The following ACER3 variants were observed in gnomAD, a reference collection of about 807,000 sequenced individuals.
The protein encoded by ACER3 is alkaline ceramidase 3.
In ACER3, 16 loss-of-function variants were observed where a neutral mutation model predicts 48.9. The observed-to-expected ratio is 0.33, with a 90% confidence interval of 0.22 to 0.50. The LOEUF (loss-of-function observed/expected upper bound fraction) is 0.50. Ranked by LOEUF, ACER3 falls within the 20% of genes least tolerant of loss-of-function variation. The pLI is 0.98. For synonymous variants in ACER3, 109 were observed against 107.8 expected (o/e 1.01, Z -0.07); for missense variants, 227 against 326.0 (o/e 0.70, Z 2.34).
At chr11:76,973,150 C>T (rs113308886) in intron 3 of ACER3, among the ~76,000 whole-genome samples, 70 of 152,270 alleles carry the variant, frequency 4.6e-4, no homozygotes, top group African/African-American at 1.4e-3. Context: ...CCTTTCAAGC[C>T]GGGAAAGGCA....
intron 1 of ACER3, among the ~76,000 whole-genome samples, chr11:76,912,395 T>C (rs1946401371): frequency 6.6e-6 from 1 of 152,126 alleles, no homozygotes; most frequent in Non-Finnish European, 1.5e-5. Context: ...AGCTACCCAG[T>C]TTGTGGTAAT....
rs1555023006 is a variant in ACER3, at chr11:77,015,060, T to C, written c.542T>C (p.Ile181Thr). Residue 181 changes from isoleucine (I) to threonine (T), a missense_variant, in exon 8 of 11, where the codon ATA becomes ACA. Physicochemically the swap from Ile to Thr is moderately conservative, Grantham distance 89. Coordinates refer to ENST00000532485, the MANE Select transcript of ACER3 (RefSeq NM_018367.7). Reference sequence around the variant, plus strand: ...GGACTGGGTTATACATCATTGGGTATATTTTTATTGGGATTTTTATTTTGG... The same window carrying C: ...GGACTGGGTTATACATCATTGGGTACATTTTTATTGGGATTTTTATTTTGG... ...LRGLGYTSLG[I>T]FLLGFLFWNI... 1 of 1,601,742 alleles carries C rather than the reference T, an allele frequency of 6.2e-7. No individual in the cohort carries two copies. Among genetic ancestry groups the C allele is most frequent in the Non-Finnish European group, 8.6e-7 (1 of 1,168,898 alleles).
At chr11:76,973,753 GT>G (rs554423722) in intron 3 of ACER3, among the ~76,000 whole-genome samples, 5 of 151,176 alleles carry the variant, frequency 3.3e-5, no homozygotes, top group Middle Eastern at 3.4e-3. Context: ...CACTTTATCT[GT>G]TTTTTTTTCT....
At chr11:76,950,813 T>G (rs773292901) in intron 2 of ACER3, among the ~76,000 whole-genome samples, 136 of 152,130 alleles carry the variant, frequency 8.9e-4, no homozygotes, top group Non-Finnish European at 8.2e-4. Flanking sequence ...TTTGGAGGTT[T>G]TCTCTTGATA....
chr11:76,962,116 C>A (rs965219575), intron 3 of ACER3, among the ~76,000 whole-genome samples: 1 of 150,770 alleles, frequency 6.6e-6, no homozygotes, highest in Middle Eastern at 3.4e-3. Flanking sequence ...GTGGTGTAAT[C>A]TTGGCTCACG....
At chr11:76,866,902 T>C (rs1374375173) in intron 1 of ACER3, among the ~76,000 whole-genome samples, 1 of 152,032 alleles carries the variant, frequency 6.6e-6, no homozygotes, top group African/African-American at 2.4e-5. Flanking sequence ...TAAAGGGAAA[T>C]GGAGGGGAAT....
chr11:76,943,702 A>G (rs1484804925), intron 2 of ACER3, among the ~76,000 whole-genome samples: 1 of 151,526 alleles, frequency 6.6e-6, no homozygotes, highest in Admixed American at 6.6e-5. Context: ...TTTCTTTGCT[A>G]ATTTTATCTT....
chr11:76,875,959 A>T (rs2134553292), intron 1 of ACER3, among the ~76,000 whole-genome samples: 1 of 151,704 alleles, frequency 6.6e-6, no homozygotes, highest in Admixed American at 6.6e-5. Flanking sequence ...ACACCCAGTT[A>T]ATTTTTTCAT....
intron 1 of ACER3, among the ~76,000 whole-genome samples, chr11:76,912,232 A>G (rs1003820870): frequency 6.6e-6 from 1 of 152,144 alleles, no homozygotes; most frequent in African/African-American, 2.4e-5. Flanking sequence ...AGGCAAAGTG[A>G]GGAATGCCAA....
intron 1 of ACER3, among the ~76,000 whole-genome samples, chr11:76,924,492 C>A (rs559775926): frequency 5.3e-5 from 8 of 152,184 alleles, no homozygotes; most frequent in African/African-American, 1.9e-4. Flanking sequence ...GTGTTAGCCA[C>A]TGCCCCTGGC....
intron 1 of ACER3, among the ~76,000 whole-genome samples, chr11:76,896,828 T>C (rs1467183284): frequency 2.0e-5 from 3 of 152,250 alleles, no homozygotes; most frequent in African/African-American, 4.8e-5. Flanking sequence ...TTTTCATATA[T>C]GCTTTTGCAT....
intron 2 of ACER3, among the ~76,000 whole-genome samples, chr11:76,940,020 AAG>A (rs1022437866): frequency 6.6e-6 from 1 of 152,220 alleles, no homozygotes; most frequent in African/African-American, 2.4e-5. Flanking sequence ...ATGATCATGT[AAG>A]AGAATGTCCA....
intron 3 of ACER3, among the ~76,000 whole-genome samples, chr11:76,967,274 C>T (rs1285017378): frequency 3.9e-5 from 6 of 152,066 alleles, no homozygotes; most frequent in African/African-American, 4.8e-5. Flanking sequence ...GTTGAATCTC[C>T]GAATAGACCA....
intron 1 of ACER3, among the ~76,000 whole-genome samples, chr11:76,922,529 C>G (rs1488652180): frequency 6.6e-6 from 1 of 152,108 alleles, no homozygotes; most frequent in Non-Finnish European, 1.5e-5. Flanking sequence ...TTTTCATACT[C>G]TACCTAGGCA....
chr11:77,001,287 G>T (rs746634748), intron 7 of ACER3, among the ~76,000 whole-genome samples: 1 of 151,860 alleles, frequency 6.6e-6, no homozygotes, highest in Non-Finnish European at 1.5e-5. Flanking sequence ...ACAGAGTCTC[G>T]CACTGTCTCC....
intron 1 of ACER3, among the ~76,000 whole-genome samples, chr11:76,872,943 A>T (rs1463910862): frequency 9.2e-6 from 1 of 109,144 alleles, no homozygotes; most frequent in African/African-American, 3.7e-5. Flanking sequence ...ACAGGGTCTC[A>T]TGCTGTTGCC....
chr11:76,985,871 C>A, intron 5 of ACER3, 147 bp downstream of exon 5: 1 of 453,528 alleles, frequency 2.2e-6, no homozygotes. Flanking sequence ...AAATATTGCT[C>A]CCTTGTTCTC....
intron 3 of ACER3, among the ~76,000 whole-genome samples, chr11:76,966,664 T>C (rs11561014): frequency 0.56 from 81,111 of 144,380 alleles, 25,682 homozygotes; most frequent in Non-Finnish European, 0.72. Context: ...CACTCAAAAC[T>C]GCTCAACTAC....
At chr11:76,992,868 C>A (rs1487506573) in intron 6 of ACER3, among the ~76,000 whole-genome samples, 2 of 94,416 alleles carry the variant, frequency 2.1e-5, no homozygotes, top group African/African-American at 6.7e-5. Flanking sequence ...TCAACAATCT[C>A]CCCACCTTTT....
Sources: gnomAD v4.1 joint callset for allele counts (sites outside exome capture counted in the v4.1 genomes callset) on GRCh38, gnomAD v4.1.1 for gene constraint, MANE v1.5 for transcripts, NCBI Gene and HGNC (gene_info 2026-07-23, HGNC 2026-07-21) for gene names.